KBTBD11: variants seen among roughly 807,000 people sequenced by gnomAD.
KBTBD11 encodes kelch repeat and BTB domain containing 11, also known as kelch repeat and BTB domain-containing protein 11.
For synonymous variants in KBTBD11, 747 were observed against 499.0 expected (o/e 1.50, Z -6.63); for missense variants, 1,390 against 1,001.8 (o/e 1.39, Z -5.23).
Position 2,001,351 on chromosome 8 carries a change from C to G in KBTBD11, c.159C>G (p.Ser53=). ...CCGGGGAAGAGTCCCCGCCGCAGTC[C>G]CTCGCCTCAGCGGCGGAAGGCGCGG... ...FSSGEESPPQ[S]LASAAEGAAT... is the part of the protein sequence containing the mutation. The change falls in exon 2 of 2, where the codon TCC becomes TCG. Residue 53 remains serine (S), a synonymous_variant. Coordinates refer to ENST00000320248, the MANE Select transcript of KBTBD11 (RefSeq NM_014867.3). The G allele has an allele frequency of 6.7e-7, 1 of 1,497,012 alleles. No homozygotes were observed. Among genetic ancestry groups the G allele is most frequent in the Non-Finnish European group, 8.9e-7 (1 of 1,129,618 alleles). The allele number at this position is 1,497,012 out of a possible 1,614,324, so 92.7% of individuals were successfully genotyped here.
At position 2,002,721 on chromosome 8, in the gene KBTBD11, G is replaced by T; in HGVS notation, c.1529G>T (p.Ser510Ile). 3 of 1,514,890 alleles carry T rather than the reference G, an allele frequency of 2.0e-6. No homozygotes were observed. Among genetic ancestry groups the T allele is most frequent in the South Asian group, 2.5e-5 (2 of 80,830 alleles). 93.8% of individuals were successfully genotyped at this position (1,514,890 alleles called of 1,614,324 possible). Reference protein sequence around the residue: ...GFIYRFDLSGSRGEAQAAGPS... With the variant: ...GFIYRFDLSGIRGEAQAAGPS... ...ATCTACCGCTTCGATCTGAGCGGCA[G>T]CCGCGGCGAGGCGCAGGCGGCGGGG... is the stretch of plus-strand genomic sequence containing the variant. Residue 510 changes from serine (S) to isoleucine (I), a missense_variant, in exon 2 of 2, where the codon AGC becomes ATC. By Grantham distance (142) the Ser-to-Ile change is moderately radical. Transcript: ENST00000320248. The surrounding 1 kb of genome is among the most constrained non-coding windows in gnomAD (Gnocchi z 4.1).
rs1474644477 is a variant in KBTBD11 at position 2,002,123 on chromosome 8, C to G, written c.931C>G (p.Arg311Gly). Residue 311 changes from arginine (R) to glycine (G), a missense_variant, in exon 2 of 2, where the codon CGG (arginine) becomes GGG (glycine). Arg to Gly is a moderately radical substitution (Grantham distance 125). Coordinates refer to ENST00000320248, the MANE Select transcript of KBTBD11 (RefSeq NM_014867.3). This position sits in a 1 kb window ranked among gnomAD's most constrained non-coding sequence, Gnocchi z 4.1. ...GCCGGCGGGGGAGCGCGCGGGCAGC[C>G]GGCCTCAGAGCCCCTCGGGGGACGC... ...LGPAGERAGSRPQSPSGDADA... is the reference protein window; with the variant it reads ...LGPAGERAGSGPQSPSGDADA... 1.8e-6 allele frequency: 2 copies of G among 1,118,340 alleles called. No individual in the cohort carries two copies. The highest frequency in any genetic ancestry group is 2.2e-6 in the Non-Finnish European group (2 of 917,978). The allele number at this position is 1,118,340 out of a possible 1,614,324, so 69.3% of individuals were successfully genotyped here.
At chr8:1,988,260 C>A (rs1189131691) in intron 1 of KBTBD11, among the ~76,000 whole-genome samples, 2 of 152,170 alleles carry the variant, frequency 1.3e-5, no homozygotes, top group East Asian at 3.8e-4. Flanking sequence ...AATGGGATGG[C>A]TGGGTCAAAT....
Position 2,002,310 on chromosome 8 carries a change from A to C in KBTBD11, c.1118A>C (p.Asp373Ala). 46 of 1,333,634 alleles carry C rather than the reference A, an allele frequency of 3.4e-5. No homozygotes were observed. The highest frequency in any genetic ancestry group is 4.1e-5 in the Admixed American group (1 of 24,376). The allele number at this position is 1,333,634 out of a possible 1,614,324, so 82.6% of individuals were successfully genotyped here. ...VAGGVAPAGP[D>A]GRARPSDQVF... ...GGCGGCGTGGCGCCCGCGGGCCCCG[A>C]CGGCCGCGCGCGCCCGTCCGACCAG... Residue 373 changes from aspartate to alanine, a missense_variant, in exon 2 of 2, where the codon GAC becomes GCC. Transcript: ENST00000320248. This position sits in a 1 kb window ranked among gnomAD's most constrained non-coding sequence, Gnocchi z 4.1.
chr8:1,980,462 T>C (rs1222048989), intron 1 of KBTBD11, among the ~76,000 whole-genome samples: 1 of 152,292 alleles, frequency 6.6e-6, no homozygotes, highest in East Asian at 1.9e-4. Context: ...CTTGACCTCA[T>C]GATCTGCCTG....
In KBTBD11 at chr8:1,993,363, ATCCGTCCGTCCG is replaced by A. The variant is rs1165431763; in HGVS notation, c.-908-6902_-908-6891del. On this transcript the variant is annotated intron_variant, in intron 1 of 1. Transcript: ENST00000320248. ...CATCTTTCTGTCCATCCATCGGTCC[ATCCGTCCGTCCG>A]TCCGTCCGTCCGTCCGTCCATCCAT... Among the ~76,000 whole-genome samples the A allele has an allele frequency of 3.9e-3, 557 of 143,228 alleles. 13 individuals carry two copies. The highest frequency in any genetic ancestry group is 0.014 in the African/African-American group (530 of 38,738). 94.0% of individuals were successfully genotyped at this position (143,228 alleles called of 152,430 possible).
At chr8:1,974,640 C>G in intron 1 of KBTBD11, 1 of 985,354 alleles carries the variant, frequency 1.0e-6, no homozygotes, top group Non-Finnish European at 1.2e-6. Flanking sequence ...CGAGTCCTGC[C>G]GGGCGCCCCT....
At position 2,001,252 on chromosome 8, in the gene KBTBD11, G is replaced by GGAGAGC. The variant is rs560567428; in HGVS notation, c.70_75dup (p.Ser24_Glu25dup). On this transcript the variant is annotated inframe_insertion, in exon 2 of 2. Coordinates refer to ENST00000320248, the MANE Select transcript of KBTBD11 (RefSeq NM_014867.3). ...CAGGGACTGAGCCCGGGGCTGCCGGGGAGAGCGAGAGCGAGGGCGCCGCGT... is the reference window on the plus strand; with the variant it reads ...CAGGGACTGAGCCCGGGGCTGCCGGGGAGAGCGAGAGCGAGAGCGAGGGCGCCGCGT... The GGAGAGC allele has an allele frequency of 3.7e-4, 556 of 1,505,682 alleles. 5 individuals carry two copies. In the South Asian group the frequency reaches 4.7e-3, roughly 13 times the overall value. 93.3% of individuals were successfully genotyped at this position (1,505,682 alleles called of 1,614,324 possible).
chr8:2,001,490 C>T lies in KBTBD11; in HGVS notation c.298C>T (p.Pro100Ser). ...CGCGTCCCCTGAGGAGCGCGCGTGC[C>T]CGGAAGAGCCCGCGGCGCCGTCCCC... ...ELASPEERAC[P>S]EEPAAPSPEP... is the part of the protein sequence containing the mutation. The change falls in exon 2 of 2, where the codon CCG (proline) becomes TCG (serine). Residue 100 changes from proline (P) to serine (S), a missense_variant. By Grantham distance (74) the Pro-to-Ser change is moderately conservative. Coordinates refer to ENST00000320248, the MANE Select transcript of KBTBD11 (RefSeq NM_014867.3). 7.2e-7 allele frequency: 1 copy of T among 1,384,424 alleles called. No homozygotes were observed. The highest frequency in any genetic ancestry group is 9.3e-7 in the Non-Finnish European group (1 of 1,075,818). The allele number at this position is 1,384,424 out of a possible 1,614,324, so 85.8% of individuals were successfully genotyped here. A position where few individuals can be genotyped will look rare whatever the true frequency, so the allele number is the denominator to read the frequency against.
rs986467592 is a variant in KBTBD11, at chr8:1,978,178, G to A, written c.-909+4243G>A. Among the ~76,000 whole-genome samples the A allele has an allele frequency of 2.0e-5, 3 of 152,318 alleles. No homozygotes were observed. In the South Asian group the frequency reaches 6.2e-4, roughly 32 times the overall value. On this transcript the variant is annotated intron_variant, in intron 1 of 1. Transcript: ENST00000320248. ...CGCCGCCCTCTACAGGCCCCAGTGT[G>A]TGTTGTTCCCCTCCCTGAGTCCATG...
In KBTBD11 at chr8:2,000,317, C is replaced by G. The variant is rs981666018; in HGVS notation, c.-876C>G. ...AGTGTGGTGAGAGGACGCGGAAACA[C>G]CTGATATCCCAGCAAAGGAAGCTGC... On this transcript the variant is annotated 5_prime_UTR_variant, in exon 2 of 2. Coordinates refer to ENST00000320248, the MANE Select transcript of KBTBD11 (RefSeq NM_014867.3). 5 of 152,240 alleles carry G rather than the reference C, an allele frequency of 3.3e-5. No homozygotes were observed. Among genetic ancestry groups the G allele is most frequent in the African/African-American group, 1.2e-4 (5 of 41,456 alleles). 9.4% of individuals were successfully genotyped at this position (152,240 alleles called of 1,614,324 possible). A position where few individuals can be genotyped will look rare whatever the true frequency, so the allele number is the denominator to read the frequency against.
intron 1 of KBTBD11, among the ~76,000 whole-genome samples, chr8:1,987,708 C>A (rs1490901840): frequency 6.7e-6 from 1 of 148,394 alleles, no homozygotes; most frequent in Non-Finnish European, 1.5e-5. Context: ...GTTCATCTGT[C>A]CTTATCTTTT....
chr8:1,977,599 C>T (rs1816391866), intron 1 of KBTBD11, among the ~76,000 whole-genome samples: 1 of 152,170 alleles, frequency 6.6e-6, no homozygotes, highest in Non-Finnish European at 1.5e-5. Context: ...TGTCAGCTCA[C>T]GGCAACCTCC....
intron 1 of KBTBD11, among the ~76,000 whole-genome samples, chr8:1,977,395 A>G (rs979773740): frequency 6.6e-6 from 1 of 152,200 alleles, no homozygotes; most frequent in Admixed American, 6.5e-5. Flanking sequence ...GTGTGGTTCT[A>G]TGAAGTGTAC....
In KBTBD11 at chr8:2,001,878, C is replaced by T. The variant is rs924278099; in HGVS notation, c.686C>T (p.Pro229Leu). The change falls in exon 2 of 2, where the codon CCG becomes CTG. Residue 229 changes from proline (P) to leucine (L), a missense_variant. Pro to Leu is a moderately conservative substitution (Grantham distance 98, BLOSUM62 -3). Transcript: ENST00000320248. ...CAGCGCGCCACCGACGCCGTGGGGC[C>T]GCAGCTGAGCCTGGCCAACTGCTAC... ...AAQRATDAVG[P>L]QLSLANCYEV... 1.4e-5 allele frequency: 19 copies of T among 1,353,582 alleles called. No homozygotes were observed. Among genetic ancestry groups the T allele is most frequent in the Non-Finnish European group, 1.5e-5 (16 of 1,041,582 alleles). The allele number at this position is 1,353,582 out of a possible 1,614,324, so 83.8% of individuals were successfully genotyped here. A position where few individuals can be genotyped will look rare whatever the true frequency, so the allele number is the denominator to read the frequency against.
At chr8:1,995,306 G>T (rs1032200447) in intron 1 of KBTBD11, among the ~76,000 whole-genome samples, 1 of 151,982 alleles carries the variant, frequency 6.6e-6, no homozygotes, top group South Asian at 2.1e-4. Flanking sequence ...GAATCCTGAA[G>T]GCAGACACTA....
In KBTBD11 at chr8:2,002,093, C is replaced by A. The variant is rs1271126181; in HGVS notation, c.901C>A (p.Leu301Ile). The A allele has an allele frequency of 1.8e-6, 2 of 1,093,092 alleles. No individual in the cohort carries two copies. Among genetic ancestry groups the A allele is most frequent in the African/African-American group, 3.4e-5 (2 of 59,304 alleles). The allele number at this position is 1,093,092 out of a possible 1,614,324, so 67.7% of individuals were successfully genotyped here. Residue 301 changes from leucine to isoleucine, a missense_variant, in exon 2 of 2, where the codon CTC becomes ATC. Leu to Ile is a conservative substitution (Grantham distance 5). Coordinates refer to ENST00000320248, the MANE Select transcript of KBTBD11 (RefSeq NM_014867.3). The surrounding 1 kb of genome is among the most constrained non-coding windows in gnomAD (Gnocchi z 4.1). ...AGRAHLLAAA[L>I]GPAGERAGSR... ...CCGCGCCCACCTCTTGGCCGCGGCG[C>A]TCGGGCCGGCGGGGGAGCGCGCGGG...
Position 2,002,440 on chromosome 8 carries a change from C to T in KBTBD11, c.1248C>T (p.Ala416=). 2 of 1,505,622 alleles carry T rather than the reference C, an allele frequency of 1.3e-6. No individual in the cohort carries two copies. The highest frequency in any genetic ancestry group is 1.8e-6 in the Non-Finnish European group (2 of 1,134,572). The allele number at this position is 1,505,622 out of a possible 1,614,324, so 93.3% of individuals were successfully genotyped here. A position where few individuals can be genotyped will look rare whatever the true frequency, so the allele number is the denominator to read the frequency against. Residue 416 remains alanine (A), a synonymous_variant, in exon 2 of 2, where the codon GCC becomes GCT. Coordinates refer to ENST00000320248, the MANE Select transcript of KBTBD11 (RefSeq NM_014867.3). The surrounding 1 kb of genome is among the most constrained non-coding windows in gnomAD (Gnocchi z 4.1). ...RLLALDGHLY[A]VGGECLLSVE... Reference sequence around the variant, plus strand: ...TGGCCCTGGACGGTCACCTCTACGCCGTGGGCGGCGAGTGCCTGCTCAGCG... The same window carrying T: ...TGGCCCTGGACGGTCACCTCTACGCTGTGGGCGGCGAGTGCCTGCTCAGCG...
intron 1 of KBTBD11, among the ~76,000 whole-genome samples, chr8:1,998,984 CA>C (rs1363660504): frequency 2.0e-5 from 3 of 152,206 alleles, no homozygotes; most frequent in African/African-American, 7.2e-5. Context: ...TGGGTGAACA[CA>C]AGGGACCCTT....
Sources: allele counts gnomAD v4.1 joint callset (sites outside exome capture counted in the v4.1 genomes callset), GRCh38; gene constraint gnomAD v4.1.1; non-coding constraint Gnocchi (gnomAD v3.1); transcripts MANE v1.5; gene names NCBI Gene and HGNC (gene_info 2026-07-23, HGNC 2026-07-21).